The following FAR2 variants were observed in gnomAD, a reference collection of about 807,000 sequenced individuals.
The protein encoded by FAR2 is fatty acyl-CoA reductase 2, also known as epididymis secretory protein Li 81.
FAR2 carries 19 observed loss-of-function variants against 56.0 expected under a neutral mutation model. The ratio of observed to expected loss-of-function variants is 0.34; its 90% CI spans 0.24 to 0.50. The LOEUF is 0.50. FAR2 is among the 20% of genes least tolerant of loss of function. The pLI, the probability that FAR2 is intolerant of heterozygous loss-of-function variation, is 0.98. For missense variants in FAR2, 508 were observed against 642.2 expected, an observed-to-expected ratio of 0.79 and a Z score of 2.26; for synonymous variants, 219 against 218.8, an observed-to-expected ratio of 1.00 and a Z score of -0.01.
At chr12:29,234,995 A>G (rs750517958) in intron 1 of FAR2, among the ~76,000 whole-genome samples, 49 of 152,180 alleles carry the variant, frequency 3.2e-4, no homozygotes, top group Non-Finnish European at 6.5e-4. Flanking sequence ...TTGAATGTGA[A>G]CTGAACAATA....
At chr12:29,167,386 T>C (rs550176194) in intron 1 of FAR2, among the ~76,000 whole-genome samples, 17 of 152,312 alleles carry the variant, frequency 1.1e-4, no homozygotes, top group Middle Eastern at 6.8e-3. Context: ...TCCTTCTTTT[T>C]AGAGGATGAC....
intron 1 of FAR2, among the ~76,000 whole-genome samples, chr12:29,207,563 C>T (rs1482874926): frequency 6.6e-6 from 1 of 152,184 alleles, no homozygotes; most frequent in Non-Finnish European, 1.5e-5. Flanking sequence ...TTTCCATTTA[C>T]TTGCTACTAT....
rs7304528 is a variant in FAR2 at position 29,197,979 on chromosome 12, A to G, written c.-39+48572A>G. 6.7e-3 allele frequency among the ~76,000 whole-genome samples: 1,019 copies of G among 152,338 alleles called. 10 individuals carry two copies. The highest frequency in any genetic ancestry group is 0.023 in the African/African-American group (967 of 41,582). ...CAACATAGCTTAATGGTGATATTAA[A>G]TGTAATGATTATATTAAGTGTAATG... On this transcript the variant is annotated intron_variant, in intron 1 of 11. Coordinates refer to ENST00000536681, the MANE Select transcript of FAR2 (RefSeq NM_001271783.2).
intron 1 of FAR2, among the ~76,000 whole-genome samples, chr12:29,153,545 TA>T (rs1336188823): frequency 6.6e-6 from 1 of 152,216 alleles, no homozygotes; most frequent in Admixed American, 6.5e-5. Context: ...CAGGTGTTGA[TA>T]AAGATCTTGA....
At chr12:29,207,856 C>T (rs974715962) in intron 1 of FAR2, among the ~76,000 whole-genome samples, 36 of 152,140 alleles carry the variant, frequency 2.4e-4, no homozygotes, top group African/African-American at 8.5e-4. Flanking sequence ...TGTCCTAATG[C>T]AGGAACTTGA....
intron 1 of FAR2, among the ~76,000 whole-genome samples, chr12:29,197,117 T>A (rs1950150356): frequency 6.6e-6 from 1 of 152,330 alleles, no homozygotes; most frequent in East Asian, 1.9e-4. Context: ...CTATAATGTA[T>A]GAATAGCATA....
intron 1 of FAR2, among the ~76,000 whole-genome samples, chr12:29,213,325 T>C (rs1947576061): frequency 6.6e-6 from 1 of 152,090 alleles, no homozygotes; most frequent in South Asian, 2.1e-4. Flanking sequence ...AGAACATTAA[T>C]AGAAATACAA....
chr12:29,174,174 T>C (rs995150325), intron 1 of FAR2, among the ~76,000 whole-genome samples: 3 of 152,144 alleles, frequency 2.0e-5, no homozygotes, highest in Admixed American at 2.0e-4. Flanking sequence ...ATATCATTTC[T>C]GAAGCTCCCC....
chr12:29,300,813 G>A (rs1234840442), intron 4 of FAR2, among the ~76,000 whole-genome samples: 5 of 152,276 alleles, frequency 3.3e-5, no homozygotes, highest in South Asian at 2.1e-4. Flanking sequence ...CCATGACGAC[G>A]TAAAATGAAA....
chr12:29,161,727 A>G (rs1949783820), intron 1 of FAR2, among the ~76,000 whole-genome samples: 1 of 152,260 alleles, frequency 6.6e-6, no homozygotes, highest in Admixed American at 6.5e-5. Context: ...GTGATCGTTC[A>G]AGTAATACTC....
chr12:29,172,866 T>A (rs1467600552), intron 1 of FAR2, among the ~76,000 whole-genome samples: 3 of 152,138 alleles, frequency 2.0e-5, no homozygotes, highest in African/African-American at 7.2e-5. Context: ...GGTCAACAGA[T>A]GTTTTTGACT....
At position 29,321,886 on chromosome 12, in the gene FAR2, G is replaced by C. The variant is rs1949558712; in HGVS notation, c.1219G>C (p.Glu407Gln). The C allele has an allele frequency of 6.2e-7, 1 of 1,613,594 alleles. No individual in the cohort carries two copies. The highest frequency in any genetic ancestry group is 1.3e-5 in the African/African-American group (1 of 74,904). The change falls in exon 10 of 12, where the codon GAA (glutamate) becomes CAA (glutamine). Residue 407 changes from glutamate (E) to glutamine (Q), a missense_variant. Coordinates refer to ENST00000536681, the MANE Select transcript of FAR2 (RefSeq NM_001271783.2). ...RSWEWSTYNTEMLMSELSPED... is the reference protein window; with the variant it reads ...RSWEWSTYNTQMLMSELSPED... ...TTGGGAATGGAGCACGTACAATACA[G>C]AAATGCTGATGTCTGAGCTGAGTCC... is the stretch of plus-strand genomic sequence containing the variant.
rs531061393 is a variant in FAR2, at chr12:29,334,049, C to T, written c.*255C>T. The T allele has an allele frequency of 9.7e-6, 3 of 310,122 alleles. No homozygotes were observed. Among genetic ancestry groups the T allele is most frequent in the African/African-American group, 4.3e-5 (2 of 46,078 alleles). 19.2% of individuals were successfully genotyped at this position (310,122 alleles called of 1,614,324 possible). On this transcript the variant is annotated 3_prime_UTR_variant, in exon 12 of 12. Coordinates refer to ENST00000536681, the MANE Select transcript of FAR2 (RefSeq NM_001271783.2). ...CCTAACATTCTATTTTATGCCCTTG[C>T]GTATTAAACGTGAAAGTACTCCCAC...
Position 29,196,335 on chromosome 12 carries a change from T to A in FAR2, c.-39+46928T>A, listed in dbSNP as rs563455091. The stretch of plus-strand genomic sequence containing the variant: ...ATATAAGCATTCTCTTTTCTCTGCA[T>A]CCTCACCAGCATCTGTTATTTTTTG... On this transcript the variant is annotated intron_variant, in intron 1 of 11. Coordinates refer to ENST00000536681, the MANE Select transcript of FAR2 (RefSeq NM_001271783.2). Among the ~76,000 whole-genome samples the A allele has an allele frequency of 1.1e-4, 17 of 152,296 alleles. No individual in the cohort carries two copies. In the South Asian group the frequency reaches 2.7e-3, roughly 24 times the overall value.
intron 1 of FAR2, among the ~76,000 whole-genome samples, chr12:29,152,348 T>C (rs959213640): frequency 6.6e-6 from 1 of 152,214 alleles, no homozygotes; most frequent in African/African-American, 2.4e-5. Context: ...ACCTAGTCTC[T>C]TGCCAAATAC....
chr12:29,188,424 A>T (rs971557336), intron 1 of FAR2, among the ~76,000 whole-genome samples: 2 of 152,100 alleles, frequency 1.3e-5, no homozygotes, highest in African/African-American at 2.4e-5. Flanking sequence ...GCCTTTTTTT[A>T]AAAGTTTTTA....
intron 1 of FAR2, among the ~76,000 whole-genome samples, chr12:29,177,480 G>A (rs1163755433): frequency 6.6e-6 from 1 of 152,174 alleles, no homozygotes; most frequent in African/African-American, 2.4e-5. Flanking sequence ...TCTGCCAGTG[G>A]CAGAAATTTC....
intron 10 of FAR2, among the ~76,000 whole-genome samples, chr12:29,328,643 C>CA (rs1423851577): frequency 9.5e-5 from 14 of 147,188 alleles, no homozygotes; most frequent in Admixed American, 2.1e-4. Context: ...ATCGCAAGGA[C>CA]AAAAAACCAA....
intron 9 of FAR2, among the ~76,000 whole-genome samples, chr12:29,318,995 T>C (rs892477648): frequency 3.3e-5 from 5 of 151,924 alleles, no homozygotes; most frequent in Admixed American, 3.3e-4. Context: ...CTTTTTCTTT[T>C]TTCTTTTTTT....
Sources: gnomAD v4.1 joint callset for allele counts (sites outside exome capture counted in the v4.1 genomes callset) on GRCh38, gnomAD v4.1.1 for gene constraint, MANE v1.5 for transcripts, NCBI Gene and HGNC (gene_info 2026-07-23, HGNC 2026-07-21) for gene names.